Variants in TMPRSS15 observed in about 807,000 individuals in gnomAD.
TMPRSS15 encodes transmembrane serine protease 15, also known as enteropeptidase.
Under a neutral mutation model 125.3 loss-of-function variants are expected in TMPRSS15, and 128 were observed. The ratio of observed to expected loss-of-function variants is 1.02; its 90% CI spans 0.89 to 1.18. The LOEUF is 1.18. TMPRSS15 is among the 50% of genes most tolerant of loss of function. The probability of loss-of-function intolerance (pLI) is 0.00; values close to 1 mark genes in which losing one functional copy is unlikely to be tolerated. For missense variants in TMPRSS15, 1,283 were observed against 1,212.7 expected (o/e 1.06, Z -0.86); for synonymous variants, 446 against 423.2 (o/e 1.05, Z -0.66).
chr21:18,449,879 A>ACACACG (rs2076263861), intron 1 of TMPRSS15, among the ~76,000 whole-genome samples: 1 of 5,210 alleles, frequency 1.9e-4, no homozygotes, highest in Non-Finnish European at 1.4e-3. Context: ...ACACACACGC[A>ACACACG]CACACACACA....
upstream of TMPRSS15, among the ~76,000 whole-genome samples, chr21:18,407,122 G>A (rs2076153862): frequency 6.6e-6 from 1 of 152,056 alleles, no homozygotes; most frequent in South Asian, 2.1e-4. Context: ...ACCCGGAAAC[G>A]ATAAATAGAA....
At chr21:18,474,580 G>A (rs142021118) in intron 1 of TMPRSS15, among the ~76,000 whole-genome samples, 5,462 of 152,110 alleles carry the variant, frequency 0.036, 181 homozygotes, top group African/African-American at 0.088. Context: ...GTGAGCCACC[G>A]CACCTGGCCT....
chr21:18,357,380 AATTG>A (rs2075636421), intron 8 of TMPRSS15, among the ~76,000 whole-genome samples: 2 of 151,916 alleles, frequency 1.3e-5, no homozygotes, highest in South Asian at 4.1e-4. Context: ...TTTGCATCAC[AATTG>A]TAGATTAAAA....
At chr21:18,313,962 T>G (rs1355960445) in intron 17 of TMPRSS15, among the ~76,000 whole-genome samples, 1 of 151,950 alleles carries the variant, frequency 6.6e-6, no homozygotes, top group Non-Finnish European at 1.5e-5. Context: ...AACTTACTTA[T>G]CATTTTACAA....
At chr21:18,377,609 T>C (rs2075856524) in intron 5 of TMPRSS15, among the ~76,000 whole-genome samples, 1 of 152,160 alleles carries the variant, frequency 6.6e-6, no homozygotes, top group Admixed American at 6.6e-5. Flanking sequence ...ACATATAGAC[T>C]GATTGTTGAA....
rs554984301 is a variant in TMPRSS15, at chr21:18,296,764, A to G, written c.2261+970T>C. Among the ~76,000 whole-genome samples the G allele has an allele frequency of 8.9e-4, 135 of 152,298 alleles. 1 individual carries two copies. The highest frequency in any genetic ancestry group is 3.2e-3 in the African/African-American group (133 of 41,574). ...AGGAAATCTAGAAGCCTGCTTTCTC[A>G]TTTGCAGATGCTTTGCTTCATATCC... On this transcript the variant is annotated intron_variant, in intron 19 of 24. Coordinates refer to ENST00000284885, the MANE Select transcript of TMPRSS15 (RefSeq NM_002772.3).
chr21:18,374,492 A>G (rs985475442), intron 5 of TMPRSS15, among the ~76,000 whole-genome samples: 1 of 150,606 alleles, frequency 6.6e-6, no homozygotes, highest in African/African-American at 2.4e-5. Context: ...AAAAAAAAAA[A>G]AAAAAAAAAA....
chr21:18,365,130 C>A lies in TMPRSS15; in HGVS notation c.773+10G>T. On this transcript the variant is annotated intron_variant, in intron 7 of 24. Transcript: ENST00000284885. ...GACTTAAGAACAGAAAATATAAGAT[C>A]TTGTATTACCGTATGATCCACTGGC... is the stretch of plus-strand genomic sequence containing the variant. The A allele has an allele frequency of 6.2e-7, 1 of 1,605,772 alleles. No individual in the cohort carries two copies. Among genetic ancestry groups the A allele is most frequent in the East Asian group, 2.2e-5 (1 of 44,836 alleles).
intron 18 of TMPRSS15, among the ~76,000 whole-genome samples, chr21:18,310,132 T>C (rs1433939867): frequency 6.6e-6 from 1 of 152,154 alleles, no homozygotes; most frequent in Admixed American, 6.5e-5. Context: ...GTTGAAATCT[T>C]TTCTTCTAAG....
chr21:18,304,503 G>A (rs1040135842), intron 18 of TMPRSS15, among the ~76,000 whole-genome samples: 6 of 152,154 alleles, frequency 3.9e-5, no homozygotes, highest in African/African-American at 1.4e-4. Context: ...ATGATAACAT[G>A]TAGGAGGTTG....
rs372010407 is a variant in TMPRSS15, at chr21:18,315,205, A to G, written c.1973T>C (p.Leu658Pro). Residue 658 changes from leucine (L) to proline (P), a missense_variant, in exon 17 of 25, where the codon CTG becomes CCG. Physicochemically the swap from Leu to Pro is moderately conservative, Grantham distance 98. Coordinates refer to ENST00000284885, the MANE Select transcript of TMPRSS15 (RefSeq NM_002772.3). Reference sequence around the variant, plus strand: ...CAGATGACCGTCACAGAGATTCACCAGTGGAACACACTCTCCATTTTTACA... The same window carrying G: ...CAGATGACCGTCACAGAGATTCACCGGTGGAACACACTCTCCATTTTTACA... ...FQCKNGECVP[L>P]VNLCDGHLHC... 1 of 1,613,860 alleles carries G rather than the reference A, an allele frequency of 6.2e-7. No homozygotes were observed. The highest frequency in any genetic ancestry group is 8.5e-7 in the Non-Finnish European group (1 of 1,180,024).
At chr21:18,371,960 T>C (rs968305481) in intron 6 of TMPRSS15, among the ~76,000 whole-genome samples, 2 of 152,052 alleles carry the variant, frequency 1.3e-5, no homozygotes, top group African/African-American at 4.8e-5. Context: ...GAATTCTGTT[T>C]AATTAATTAA....
In TMPRSS15 at chr21:18,294,416, G is replaced by A. The variant is rs771810875; in HGVS notation, c.2340C>T (p.Asp780=). 6 of 1,614,124 alleles carry A rather than the reference G, an allele frequency of 3.7e-6. No homozygotes were observed. Among genetic ancestry groups the A allele is most frequent in the Non-Finnish European group, 4.2e-6 (5 of 1,180,048 alleles). The change falls in exon 21 of 25, where the codon GAC becomes GAT. Residue 780 remains aspartate, a synonymous_variant. Coordinates refer to ENST00000284885, the MANE Select transcript of TMPRSS15 (RefSeq NM_002772.3). ...TTCCTCCAACAATCTTTGGGGTGAT[G>A]TCTTGAGCTGCCAGTTTTTTTCCAC... is the stretch of plus-strand genomic sequence containing the variant. ...KSCGKKLAAQ[D]ITPKIVGGSN...
chr21:18,332,255 A>G, intron 13 of TMPRSS15, 82 bp from the exon 14 acceptor site: 1 of 1,239,998 alleles, frequency 8.1e-7, no homozygotes, highest in African/African-American at 1.5e-5. Flanking sequence ...CGAATTTTCA[A>G]TTACATTTCT....
intron 18 of TMPRSS15, among the ~76,000 whole-genome samples, chr21:18,308,904 C>T (rs1221728322): frequency 6.6e-6 from 1 of 152,140 alleles, no homozygotes; most frequent in African/African-American, 2.4e-5. Context: ...CATCCATGTG[C>T]CTGCAAAGGA....
intron 8 of TMPRSS15, among the ~76,000 whole-genome samples, chr21:18,355,061 T>A (rs1288885355): frequency 6.6e-6 from 1 of 151,906 alleles, no homozygotes; most frequent in Non-Finnish European, 1.5e-5. Context: ...CCAAAATGTG[T>A]GTCATGCATT....
chr21:18,469,158 C>A (rs1423886147), intron 1 of TMPRSS15, among the ~76,000 whole-genome samples: 1 of 152,044 alleles, frequency 6.6e-6, no homozygotes, highest in African/African-American at 2.4e-5. Flanking sequence ...TTTTCAATTA[C>A]AGTTTGGAGG....
At chr21:18,465,438 G>A (rs1259669308) in intron 1 of TMPRSS15, among the ~76,000 whole-genome samples, 1 of 152,132 alleles carries the variant, frequency 6.6e-6, no homozygotes, top group South Asian at 2.1e-4. Flanking sequence ...AAGGAATAAA[G>A]GGTATTCAAA....
intron 18 of TMPRSS15, among the ~76,000 whole-genome samples, chr21:18,309,410 A>G (rs1251369262): frequency 6.6e-6 from 1 of 152,214 alleles, no homozygotes; most frequent in Admixed American, 6.5e-5. Context: ...GACAAATGGG[A>G]TGTAATTAAA....
Sources: allele counts gnomAD v4.1 joint callset (sites outside exome capture counted in the v4.1 genomes callset), GRCh38; gene constraint gnomAD v4.1.1; transcripts MANE v1.5; gene names NCBI Gene and HGNC (gene_info 2026-07-23, HGNC 2026-07-21).